Variants in KCNS2 observed in about 807,000 individuals in gnomAD.
KCNS2 encodes potassium voltage-gated channel modifier subfamily S member 2.
A neutral mutation model predicts 28.3 loss-of-function variants in KCNS2; 15 were observed. The ratio of observed to expected loss-of-function variants is 0.53; its 90% CI spans 0.35 to 0.82. KCNS2 has a LOEUF of 0.82. Ranked by LOEUF, KCNS2 falls within the 40% of genes least tolerant of loss-of-function variation. KCNS2 has a pLI of 0.01. For synonymous variants in KCNS2, 254 were observed against 256.7 expected, an observed-to-expected ratio of 0.99 and a Z score of 0.10; for missense variants, 501 against 617.1, an observed-to-expected ratio of 0.81 and a Z score of 1.99.
chr8:98,429,359 G>A lies in KCNS2; in HGVS notation c.1380G>A (p.Thr460=), dbSNP rs200495111. 6.3e-5 allele frequency: 102 copies of A among 1,614,056 alleles called. 1 individual carries two copies. The East Asian group carries it at 2.1e-3, about 33-fold the overall frequency. Residue 460 remains threonine (T), a synonymous_variant, in exon 2 of 2, where the codon ACG becomes ACA. Coordinates refer to ENST00000287042, the MANE Select transcript of KCNS2 (RefSeq NM_020697.4). The stretch of plus-strand genomic sequence containing the variant: ...TTAAATCCCTTATGGCAAGCCTGAC[G>A]AACATGAGCAGGAGCTCACCAAGTG... The part of the protein sequence containing the change: ...HKVKSLMASL[T]NMSRSSPSEL...
chr8:98,427,893 C>A, intron 1 of KCNS2, 45 bp from the exon 2 acceptor site: 2 of 1,211,820 alleles, frequency 1.7e-6, no homozygotes, highest in Non-Finnish European at 2.3e-6. Context: ...GGGGCCCCGC[C>A]AGGGCGCACG....
In KCNS2 at chr8:98,430,573, G is replaced by C. The variant is rs148643548; in HGVS notation, c.*1160G>C. On this transcript the variant is annotated 3_prime_UTR_variant, in exon 2 of 2. Coordinates refer to ENST00000287042, the MANE Select transcript of KCNS2 (RefSeq NM_020697.4). ...TTTTGCTTCTAGGATATAGTATGTT[G>C]TATATGATGCTGTGATTGCCCTGGA... The C allele has an allele frequency of 3.0e-5, 5 of 167,106 alleles. No homozygotes were observed. The highest frequency in any genetic ancestry group is 1.2e-4 in the African/African-American group (5 of 41,528). The allele number at this position is 167,106 out of a possible 1,614,324, so 10.4% of individuals were successfully genotyped here.
rs758811663 is a variant in KCNS2 at position 98,429,203 on chromosome 8, G to T, written c.1224G>T (p.Leu408Phe). The T allele has an allele frequency of 6.2e-7, 1 of 1,613,984 alleles. No individual in the cohort carries two copies. The highest frequency in any genetic ancestry group is 8.5e-7 in the Non-Finnish European group (1 of 1,180,026). The part of the protein sequence containing the change: ...GILVVVLPIT[L>F]IFNKFSHFYR... ...TCGTGGTGGTCCTGCCCATCACCTT[G>T]ATCTTCAATAAGTTCTCCCACTTTT... The change falls in exon 2 of 2, where the codon TTG (leucine) becomes TTT (phenylalanine). Residue 408 changes from leucine to phenylalanine, a missense_variant. Leu to Phe is a conservative substitution (Grantham distance 22). Coordinates refer to ENST00000287042, the MANE Select transcript of KCNS2 (RefSeq NM_020697.4).
rs1169091165 is a variant in KCNS2, at chr8:98,429,552, G to T, written c.*139G>T. On this transcript the variant is annotated 3_prime_UTR_variant, in exon 2 of 2. Transcript: ENST00000287042. The stretch of plus-strand genomic sequence containing the variant: ...AGAGATGCATGGGATATGCACCCAG[G>T]TTTCTTTTACAGTTTTTAGAATCGT... The T allele has an allele frequency of 2.5e-5, 16 of 630,246 alleles. No homozygotes were observed. Among genetic ancestry groups the T allele is most frequent in the Non-Finnish European group, 4.4e-5 (16 of 360,418 alleles). 39.0% of individuals were successfully genotyped at this position (630,246 alleles called of 1,614,324 possible).
intron 1 of KCNS2, 149 bp from the exon 2 acceptor site, chr8:98,427,789 G>A (rs1818259517): frequency 3.6e-6 from 2 of 562,586 alleles, no homozygotes; most frequent in South Asian, 2.5e-5. Context: ...TTCCTGGGAG[G>A]GGATCAGACC....
At position 98,432,011 on chromosome 8, in the gene KCNS2, A is replaced by G. The variant is rs1181824127; in HGVS notation, c.*2598A>G. 2 of 167,108 alleles carry G rather than the reference A, an allele frequency of 1.2e-5. No individual in the cohort carries two copies. Among genetic ancestry groups the G allele is most frequent in the African/African-American group, 4.8e-5 (2 of 41,472 alleles). The allele number at this position is 167,108 out of a possible 1,614,324, so 10.4% of individuals were successfully genotyped here. On this transcript the variant is annotated 3_prime_UTR_variant, in exon 2 of 2. Coordinates refer to ENST00000287042, the MANE Select transcript of KCNS2 (RefSeq NM_020697.4). The stretch of plus-strand genomic sequence containing the variant: ...TTAAACCCTGGAGCTAATTCCCACA[A>G]GGAATGTAGACTGAATGGTGACCCA...
chr8:98,428,912 C>G lies in KCNS2; in HGVS notation c.933C>G (p.His311Gln). ...RIFRILKLAR[H>Q]STGLRSLGAT... ...TCCGCATCTTAAAGCTGGCCAGGCA[C>G]TCCACTGGCCTCCGCTCCCTGGGGG... The change falls in exon 2 of 2, where the codon CAC becomes CAG. Residue 311 changes from histidine to glutamine, a missense_variant. Transcript: ENST00000287042. The surrounding 1 kb of genome is among the most constrained non-coding windows in gnomAD (Gnocchi z 6.7). 3 of 1,614,200 alleles carry G rather than the reference C, an allele frequency of 1.9e-6. No individual in the cohort carries two copies. The highest frequency in any genetic ancestry group is 2.5e-6 in the Non-Finnish European group (3 of 1,180,038).
At position 98,426,999 on chromosome 8, in the gene KCNS2, C is replaced by T. The variant is rs1313475219; in HGVS notation, c.-373C>T. The T allele has an allele frequency of 6.6e-6, 1 of 150,524 alleles. No individual in the cohort carries two copies. Among genetic ancestry groups the T allele is most frequent in the African/African-American group, 2.4e-5 (1 of 41,216 alleles). 9.3% of individuals were successfully genotyped at this position (150,524 alleles called of 1,614,324 possible). ...CGCGCAGGGCGGGCGCCCCGTCACA[C>T]CCGCTCTGCTCCCGCCCCGGCTCAC... On this transcript the variant is annotated 5_prime_UTR_variant, in exon 1 of 2. Coordinates refer to ENST00000287042, the MANE Select transcript of KCNS2 (RefSeq NM_020697.4).
rs764274573 is a variant in KCNS2 at position 98,428,857 on chromosome 8, T to C, written c.878T>C (p.Val293Ala). Residue 293 changes from valine (V) to alanine (A), a missense_variant, in exon 2 of 2, where the codon GTG becomes GCG. Val to Ala is a moderately conservative substitution (Grantham distance 64, BLOSUM62 0). Coordinates refer to ENST00000287042, the MANE Select transcript of KCNS2 (RefSeq NM_020697.4). This position sits in a 1 kb window ranked among gnomAD's most constrained non-coding sequence, Gnocchi z 6.7. ...STPTLANLGRVAQVLRLMRIF... is the reference protein window; with the variant it reads ...STPTLANLGRAAQVLRLMRIF... The stretch of plus-strand genomic sequence containing the variant: ...CCTACTTTAGCCAACTTGGGCAGGG[T>C]GGCCCAGGTCCTGAGGCTGATGCGG... 111 of 1,613,922 alleles carry C rather than the reference T, an allele frequency of 6.9e-5. No homozygotes were observed. The highest frequency in any genetic ancestry group is 8.0e-5 in the Non-Finnish European group (94 of 1,180,008).
At position 98,432,627 on chromosome 8, in the gene KCNS2, C is replaced by CAA; in HGVS notation, c.*3214_*3215insAA. On this transcript the variant is annotated 3_prime_UTR_variant, in exon 2 of 2. Coordinates refer to ENST00000287042, the MANE Select transcript of KCNS2 (RefSeq NM_020697.4). ...TAATTGAACTACCTGCTAATTCTTGCCGCATTTCAAAGAAAATAAGTTGTT... is the reference window on the plus strand; with the variant it reads ...TAATTGAACTACCTGCTAATTCTTGCAACGCATTTCAAAGAAAATAAGTTGTT... 1 of 167,178 alleles carries CAA rather than the reference C, an allele frequency of 6.0e-6. No individual in the cohort carries two copies. The highest frequency in any genetic ancestry group is 6.5e-5 in the Admixed American group (1 of 15,300). The allele number at this position is 167,178 out of a possible 1,614,324, so 10.4% of individuals were successfully genotyped here. A position where few individuals can be genotyped will look rare whatever the true frequency, so the allele number is the denominator to read the frequency against.
rs1434832077 is a variant in KCNS2 at position 98,428,837 on chromosome 8, T to C, written c.858T>C (p.Thr286=). The part of the protein sequence containing the change: ...VVNLVVESTP[T]LANLGRVAQV... ...ACCTGGTGGTGGAGAGCACACCTAC[T>C]TTAGCCAACTTGGGCAGGGTGGCCC... is the stretch of plus-strand genomic sequence containing the variant. The change falls in exon 2 of 2, where the codon ACT becomes ACC. Residue 286 remains threonine (T), a synonymous_variant. Coordinates refer to ENST00000287042, the MANE Select transcript of KCNS2 (RefSeq NM_020697.4). This position sits in a 1 kb window ranked among gnomAD's most constrained non-coding sequence, Gnocchi z 6.7. The C allele has an allele frequency of 6.2e-7, 1 of 1,614,184 alleles. No individual in the cohort carries two copies.
In KCNS2 at chr8:98,428,141, C is replaced by T. The variant is rs760612723; in HGVS notation, c.162C>T (p.Ala54=). 9 of 1,613,922 alleles carry T rather than the reference C, an allele frequency of 5.6e-6. No homozygotes were observed. The African/African-American group carries it at 1.1e-4, about 19-fold the overall frequency. The part of the protein sequence containing the change: ...GRLLLCHSRE[A]ILELCDDYDD... ...TGCTGCTCTGCCACTCGCGCGAGGC[C>T]ATTCTGGAGCTCTGCGATGACTACG... The change falls in exon 2 of 2, where the codon GCC becomes GCT. Residue 54 remains alanine (A), a synonymous_variant. Transcript: ENST00000287042. This position sits in a 1 kb window ranked among gnomAD's most constrained non-coding sequence, Gnocchi z 6.7.
chr8:98,429,414 C>T lies in KCNS2; in HGVS notation c.*1C>T. Reference sequence around the variant, plus strand: ...CAGTTTAAATGATTCCCTACGTTAGCCGGGAGGACTTGTCACCCTCCACCC... The same window carrying T: ...CAGTTTAAATGATTCCCTACGTTAGTCGGGAGGACTTGTCACCCTCCACCC... On this transcript the variant is annotated 3_prime_UTR_variant, in exon 2 of 2. Transcript: ENST00000287042. The T allele has an allele frequency of 6.3e-7, 1 of 1,594,778 alleles. No individual in the cohort carries two copies. Among genetic ancestry groups the T allele is most frequent in the Non-Finnish European group, 8.6e-7 (1 of 1,165,108 alleles).
chr8:98,428,597 C>T lies in KCNS2; in HGVS notation c.618C>T (p.Leu206=). The change falls in exon 2 of 2, where the codon CTC becomes CTT. Residue 206 remains leucine (L), a synonymous_variant. Transcript: ENST00000287042. This position sits in a 1 kb window ranked among gnomAD's most constrained non-coding sequence, Gnocchi z 6.7. ...VVMGSIITMC[L]NSLPDFQIPD... ...TGGGGTCCATCATCACCATGTGCCT[C>T]AATAGCCTGCCCGATTTCCAAATCC... The T allele has an allele frequency of 6.2e-7, 1 of 1,614,170 alleles. No individual in the cohort carries two copies. The highest frequency in any genetic ancestry group is 8.5e-7 in the Non-Finnish European group (1 of 1,180,048).
rs958319667 is a variant in KCNS2, at chr8:98,430,732, G to C, written c.*1319G>C. 6.0e-6 allele frequency: 1 copy of C among 167,084 alleles called. No individual in the cohort carries two copies. Among genetic ancestry groups the C allele is most frequent in the Non-Finnish European group, 1.5e-5 (1 of 68,126 alleles). 10.4% of individuals were successfully genotyped at this position (167,084 alleles called of 1,614,324 possible). The stretch of plus-strand genomic sequence containing the variant: ...TTGCATTCCCACTGCCTTTCATGGG[G>C]GGTGACTGGGTAGAGGCCAGGAGAA... On this transcript the variant is annotated 3_prime_UTR_variant, in exon 2 of 2. Coordinates refer to ENST00000287042, the MANE Select transcript of KCNS2 (RefSeq NM_020697.4).
At chr8:98,427,643 G>A (rs889470565) in intron 1 of KCNS2, 1 of 193,996 alleles carries the variant, frequency 5.2e-6, no homozygotes, top group Non-Finnish European at 1.0e-5. Flanking sequence ...CGTCTCCCGG[G>A]CCTGCCCATG....
intron 1 of KCNS2, chr8:98,427,714 G>A: frequency 3.6e-6 from 1 of 279,482 alleles, no homozygotes; most frequent in Non-Finnish European, 6.3e-6. Flanking sequence ...CCCCGCACGC[G>A]CAAAGCGCCC....
chr8:98,429,323 T>C lies in KCNS2; in HGVS notation c.1344T>C (p.Tyr448=), dbSNP rs756748509. 1.9e-6 allele frequency: 3 copies of C among 1,614,186 alleles called. No homozygotes were observed. Among genetic ancestry groups the C allele is most frequent in the East Asian group, 2.2e-5 (1 of 44,892 alleles). ...CTTCGGTCAATTTAAGGGACTATTA[T>C]GCCCATAAAGTTAAATCCCTTATGG... ...EVPSVNLRDY[Y]AHKVKSLMAS... The change falls in exon 2 of 2, where the codon TAT becomes TAC. Residue 448 remains tyrosine, a synonymous_variant. Transcript: ENST00000287042.
Position 98,428,561 on chromosome 8 carries a change from C to T in KCNS2, c.582C>T (p.Ile194=). Residue 194 remains isoleucine (I), a synonymous_variant, in exon 2 of 2, where the codon ATC becomes ATT. Coordinates refer to ENST00000287042, the MANE Select transcript of KCNS2 (RefSeq NM_020697.4). The surrounding 1 kb of genome is among the most constrained non-coding windows in gnomAD (Gnocchi z 6.7). ...VLSRVFSILS[I]LVVMGSIITM... ...GCAGGGTCTTCAGCATCCTGTCCAT[C>T]CTGGTGGTGATGGGGTCCATCATCA... 1 of 1,614,208 alleles carries T rather than the reference C, an allele frequency of 6.2e-7. No individual in the cohort carries two copies. The highest frequency in any genetic ancestry group is 8.5e-7 in the Non-Finnish European group (1 of 1,180,032).
Sources: gnomAD v4.1 joint callset for allele counts on GRCh38, gnomAD v4.1.1 for gene constraint, Gnocchi (gnomAD v3.1) non-coding constraint, MANE v1.5 for transcripts, NCBI Gene and HGNC (gene_info 2026-07-23, HGNC 2026-07-21) for gene names.